C2: variants seen among roughly 807,000 people sequenced by gnomAD.
C2 encodes the protein C3/C5 convertase.
A neutral mutation model predicts 85.2 loss-of-function variants in C2; 64 were observed. That is an observed-to-expected ratio of 0.75 (90% CI 0.61 to 0.92). C2 has a LOEUF of 0.92. C2 is among the 40% of genes least tolerant of loss of function. C2 has a pLI of 0.00. For missense variants in C2, 820 were observed against 971.6 expected, an observed-to-expected ratio of 0.84 and a Z score of 2.07; for synonymous variants, 311 against 370.8, an observed-to-expected ratio of 0.84 and a Z score of 1.85.
At chr6:31,931,531 T>G (rs560064162) in intron 3 of C2, among the ~76,000 whole-genome samples, 4 of 151,932 alleles carry the variant, frequency 2.6e-5, no homozygotes, top group Non-Finnish European at 5.9e-5. Context: ...CTTAATCCAT[T>G]CAACCCTGAG....
chr6:31,916,558 C>CA (rs9279453), upstream of C2, among the ~76,000 whole-genome samples: 668 of 80,996 alleles, frequency 8.2e-3, 13 homozygotes, highest in African/African-American at 0.03. Context: ...GACTCCGTCT[C>CA]AAAAAAAAAA....
upstream of C2, among the ~76,000 whole-genome samples, chr6:31,915,271 T>A (rs1315793833): frequency 6.6e-6 from 1 of 152,182 alleles, no homozygotes; most frequent in Non-Finnish European, 1.5e-5. Flanking sequence ...CCTGGTCTAG[T>A]GTCATTGTGG....
At chr6:31,936,226 C>A (rs1222601772) in intron 7 of C2, 165 bp downstream of exon 7, 4 of 684,898 alleles carry the variant, frequency 5.8e-6, no homozygotes, top group Non-Finnish European at 1.0e-5. Flanking sequence ...GTGGGGGAGT[C>A]CAGCTGCCCC....
chr6:31,905,619 A>C (rs1767665135), intron 1 of C2, among the ~76,000 whole-genome samples: 1 of 151,838 alleles, frequency 6.6e-6, no homozygotes, highest in African/African-American at 2.4e-5. Flanking sequence ...ATAAAATAAT[A>C]AATAAAAGTA....
chr6:31,919,525 A>C (rs1466936772), upstream of C2, among the ~76,000 whole-genome samples: 1 of 151,952 alleles, frequency 6.6e-6, no homozygotes, highest in Non-Finnish European at 1.5e-5. Flanking sequence ...TGCCTTCTTT[A>C]CCTCCCACCT....
At chr6:31,934,552 A>T in intron 6 of C2, 1 of 1,446,698 alleles carries the variant, frequency 6.9e-7, no homozygotes, top group Admixed American at 2.3e-5. Flanking sequence ...ACTTTCCAGG[A>T]ATTCATCATC....
rs756703324 is a variant in C2, at chr6:31,945,191, G to A, written c.2093G>A (p.Ser698Asn). 6.2e-7 allele frequency: 1 copy of A among 1,612,970 alleles called. No homozygotes were observed. The highest frequency in any genetic ancestry group is 8.5e-7 in the Non-Finnish European group (1 of 1,179,998). The change falls in exon 18 of 18, where the codon AGC becomes AAC. Residue 698 changes from serine (S) to asparagine (N), a missense_variant. Ser to Asn is a conservative substitution (Grantham distance 46). Transcript: ENST00000299367. The surrounding 1 kb of genome is among the most constrained non-coding windows in gnomAD (Gnocchi z 5.3). ...RFRFFQVGLV[S>N]WGLYNPCLGS... ...CCTTTTCTCCAGGTGGGTCTGGTGA[G>A]CTGGGGTCTTTACAACCCCTGCCTT...
upstream of C2, chr6:31,897,907 C>T (rs528617300): frequency 1.9e-6 from 2 of 1,062,134 alleles, no homozygotes; most frequent in African/African-American, 3.4e-5. Flanking sequence ...CACGCCTGGG[C>T]CCAGGTGTGG....
chr6:31,940,148 G>A (rs571853917), intron 9 of C2, among the ~76,000 whole-genome samples: 6 of 152,296 alleles, frequency 3.9e-5, no homozygotes, highest in African/African-American at 7.2e-5. Flanking sequence ...TTCATCTTCA[G>A]TGGGCTGTGG....
Position 31,927,934 on chromosome 6 carries a change from T to C in C2, c.47-21T>C, listed in dbSNP as rs938753766. 5 of 1,608,022 alleles carry C rather than the reference T, an allele frequency of 3.1e-6. No homozygotes were observed. The highest frequency in any genetic ancestry group is 4.3e-6 in the Non-Finnish European group (5 of 1,174,402). On this transcript the variant is annotated intron_variant, in intron 1 of 17. Coordinates refer to ENST00000299367, the MANE Select transcript of C2 (RefSeq NM_000063.6). The surrounding 1 kb of genome is among the most constrained non-coding windows in gnomAD (Gnocchi z 4.7). ...TCTTCCTTCTTTCTCCATTGCTGTC[T>C]CCTTGTTCCCACGGCTCTAGGTCTG...
chr6:31,901,686 T>G (rs1320093806), intron 1 of C2, among the ~76,000 whole-genome samples: 3 of 142,758 alleles, frequency 2.1e-5, no homozygotes, highest in Non-Finnish European at 4.6e-5. Flanking sequence ...ACCGGCTGCC[T>G]CATTCCTCCG....
chr6:31,928,953 G>A (rs1003710765), intron 3 of C2, 36 bp downstream of exon 3: 4 of 1,567,862 alleles, frequency 2.6e-6, no homozygotes, highest in African/African-American at 2.7e-5. Context: ...ACAGGGGGCT[G>A]GGGTCTCCTG....
At chr6:31,903,340 A>C (rs368933099) in intron 1 of C2, among the ~76,000 whole-genome samples, 5 of 152,240 alleles carry the variant, frequency 3.3e-5, no homozygotes, top group East Asian at 3.8e-4. Context: ...AATAAAAATC[A>C]TGCAATAGGG....
intron 1 of C2, among the ~76,000 whole-genome samples, chr6:31,906,342 C>G (rs562255580): frequency 6.6e-6 from 1 of 152,058 alleles, no homozygotes; most frequent in East Asian, 1.9e-4. Context: ...GCTGGCTCCT[C>G]CTCCTTCTTC....
chr6:31,937,394 G>T lies in C2; in HGVS notation c.1064G>T (p.Arg355Leu), dbSNP rs145799939. 6.2e-7 allele frequency: 1 copy of T among 1,612,608 alleles called. No homozygotes were observed. Among genetic ancestry groups the T allele is most frequent in the Non-Finnish European group, 8.5e-7 (1 of 1,179,932 alleles). The change falls in exon 8 of 18, where the codon CGA (arginine) becomes CTA (leucine). Residue 355 changes from arginine to leucine, a missense_variant. Coordinates refer to ENST00000299367, the MANE Select transcript of C2 (RefSeq NM_000063.6). ...TATCTCATGATGAACAACCAAATGC[G>T]ACTCCTCGGCATGGAAACGATGGCC... is the stretch of plus-strand genomic sequence containing the variant. ...SVYLMMNNQM[R>L]LLGMETMAWQ... is the part of the protein sequence containing the mutation.
In C2 at chr6:31,927,854, A is replaced by G; in HGVS notation, c.46+56A>G. On this transcript the variant is annotated intron_variant, in intron 1 of 17. Transcript: ENST00000299367. The surrounding 1 kb of genome is among the most constrained non-coding windows in gnomAD (Gnocchi z 4.7). The stretch of plus-strand genomic sequence containing the variant: ...TCCTGTGTGTGAGGTTGGTGCTCCC[A>G]GCTTGAATTCCCATGTGTGAAACAG... 6.3e-7 allele frequency: 1 copy of G among 1,595,266 alleles called. No individual in the cohort carries two copies. Among genetic ancestry groups the G allele is most frequent in the East Asian group, 2.2e-5 (1 of 44,790 alleles).
At chr6:31,911,930 CTTTTTTTTT>C (rs70990289) in intron 1 of C2, among the ~76,000 whole-genome samples, 1 of 122,944 alleles carries the variant, frequency 8.1e-6, no homozygotes, top group African/African-American at 3.1e-5. Context: ...ATGTCTGGCC[CTTTTTTTTT>C]TTTTTTTTTT....
chr6:31,920,878 G>T lies in C2; in HGVS notation c.-100+852G>T, dbSNP rs1183026735. 6.6e-6 allele frequency among the ~76,000 whole-genome samples: 1 copy of T among 152,216 alleles called. No homozygotes were observed. The highest frequency in any genetic ancestry group is 1.5e-5 in the Non-Finnish European group (1 of 68,034). On this transcript the variant is annotated intron_variant, in intron 1 of 3. Transcript: ENST00000413154. This position sits in a 1 kb window ranked among gnomAD's most constrained non-coding sequence, Gnocchi z 5.6. ...TTGTGCAATGGATGGACAAGGACAG[G>T]AGGTTCAGTGTCTAACCCAGTGTCT...
chr6:31,925,361 C>T (rs1297384848), upstream of C2, among the ~76,000 whole-genome samples: 2 of 151,006 alleles, frequency 1.3e-5, no homozygotes, highest in African/African-American at 2.4e-5. Flanking sequence ...GGTGTGATCT[C>T]GGCTCACTGC....
Sources: allele counts gnomAD v4.1 joint callset (sites outside exome capture counted in the v4.1 genomes callset), GRCh38; gene constraint gnomAD v4.1.1; non-coding constraint Gnocchi (gnomAD v3.1); transcripts MANE v1.5; gene names NCBI Gene and HGNC (gene_info 2026-07-23, HGNC 2026-07-21).